SUCLG2: variants seen among roughly 807,000 people sequenced by gnomAD.
SUCLG2 encodes the protein succinate-CoA ligase GDP-forming subunit beta.
SUCLG2 carries 42 observed loss-of-function variants against 47.9 expected under a neutral mutation model. The ratio of observed to expected loss-of-function variants is 0.88; its 90% CI spans 0.69 to 1.14. The LOEUF is 1.14. SUCLG2 is among the 50% of genes most tolerant of loss of function. The pLI, the probability that SUCLG2 is intolerant of heterozygous loss-of-function variation, is 0.00. For missense variants in SUCLG2, 571 were observed against 525.9 expected, an observed-to-expected ratio of 1.09 and a Z score of -0.84; for synonymous variants, 195 against 197.3, an observed-to-expected ratio of 0.99 and a Z score of 0.10.
intron 1 of SUCLG2, among the ~76,000 whole-genome samples, chr3:67,632,969 T>G (rs754786419): frequency 2.6e-5 from 4 of 152,228 alleles, no homozygotes; most frequent in Non-Finnish European, 5.9e-5. Flanking sequence ...AAGAACTCAT[T>G]TGATCTTTCA....
chr3:67,405,432 C>G (rs530133171), intron 9 of SUCLG2, among the ~76,000 whole-genome samples: 57 of 152,302 alleles, frequency 3.7e-4, no homozygotes, highest in African/African-American at 1.4e-3. Context: ...AATACTAAAC[C>G]TCTTCTTTGG....
At chr3:67,606,328 T>G (rs1480560666) in intron 2 of SUCLG2, among the ~76,000 whole-genome samples, 1 of 152,158 alleles carries the variant, frequency 6.6e-6, no homozygotes, top group Non-Finnish European at 1.5e-5. Context: ...TAAGTGCATA[T>G]CTCCAGGAAT....
chr3:67,620,769 G>A (rs992802466), intron 1 of SUCLG2, among the ~76,000 whole-genome samples: 5 of 152,110 alleles, frequency 3.3e-5, no homozygotes, highest in Non-Finnish European at 7.3e-5. Context: ...TGAGAGGCCA[G>A]CATGTTCCAA....
intron 9 of SUCLG2, among the ~76,000 whole-genome samples, chr3:67,425,741 C>T (rs4130105): frequency 0.11 from 16,809 of 152,182 alleles, 1,060 homozygotes; most frequent in African/African-American, 0.16. Flanking sequence ...GCCTTCATGA[C>T]TGTATGAGCC....
chr3:67,588,363 G>A (rs1225603446), intron 2 of SUCLG2, among the ~76,000 whole-genome samples: 1 of 152,114 alleles, frequency 6.6e-6, no homozygotes, highest in African/African-American at 2.4e-5. Flanking sequence ...GAATTAATCA[G>A]TAAACTCCTA....
chr3:67,385,352 G>A (rs1481425688), intron 10 of SUCLG2, among the ~76,000 whole-genome samples: 1 of 152,236 alleles, frequency 6.6e-6, no homozygotes, highest in African/African-American at 2.4e-5. Flanking sequence ...ACCAAAGGCA[G>A]CCCACTCCTG....
chr3:67,589,589 A>AT (rs1202136202), intron 2 of SUCLG2, among the ~76,000 whole-genome samples: 1 of 152,228 alleles, frequency 6.6e-6, no homozygotes, highest in Admixed American at 6.5e-5. Context: ...GAGCCTATAT[A>AT]TCCCCTGCCA....
intron 7 of SUCLG2, among the ~76,000 whole-genome samples, chr3:67,499,803 C>T (rs1410784714): frequency 3.9e-5 from 6 of 152,086 alleles, no homozygotes; most frequent in Non-Finnish European, 8.8e-5. Context: ...GCAATCTCGG[C>T]TCACTATAAC....
At chr3:67,626,728 C>T (rs935979598) in intron 1 of SUCLG2, among the ~76,000 whole-genome samples, 5 of 152,082 alleles carry the variant, frequency 3.3e-5, no homozygotes, top group Non-Finnish European at 5.9e-5. Context: ...TCCTGGCTAA[C>T]ACGGTGAAAC....
intron 1 of SUCLG2, among the ~76,000 whole-genome samples, chr3:67,644,552 G>C (rs946483808): frequency 1.3e-5 from 2 of 152,030 alleles, no homozygotes; most frequent in Admixed American, 1.3e-4. Flanking sequence ...TTCAGGAAAT[G>C]GATGATGGTG....
chr3:67,486,483 C>T (rs1011154593), intron 9 of SUCLG2, among the ~76,000 whole-genome samples: 4 of 152,208 alleles, frequency 2.6e-5, no homozygotes, highest in Non-Finnish European at 5.9e-5. Flanking sequence ...AACACAGTTA[C>T]ATTTTTATGA....
intron 1 of SUCLG2, among the ~76,000 whole-genome samples, chr3:67,627,358 T>TG (rs1575827686): frequency 6.6e-6 from 1 of 152,204 alleles, no homozygotes; most frequent in African/African-American, 2.4e-5. Context: ...AGAAGCAAAT[T>TG]GGAGCTGTTG....
At chr3:67,544,119 G>T (rs1374857428) in intron 2 of SUCLG2, among the ~76,000 whole-genome samples, 2 of 152,128 alleles carry the variant, frequency 1.3e-5, no homozygotes, top group Admixed American at 1.3e-4. Flanking sequence ...ATTGCCTTTT[G>T]TAAACTTAAA....
At chr3:67,596,194 T>C (rs952648706) in intron 2 of SUCLG2, among the ~76,000 whole-genome samples, 1 of 152,208 alleles carries the variant, frequency 6.6e-6, no homozygotes, top group Admixed American at 6.5e-5. Flanking sequence ...ATAGGATCTA[T>C]CTCAGAAAGC....
Position 67,552,172 on chromosome 3 carries a change from CAAAA to C in SUCLG2, c.227-22990_227-22987del, listed in dbSNP as rs55687048. Among the ~76,000 whole-genome samples the C allele has an allele frequency of 6.7e-3, 504 of 75,496 alleles. 6 individuals carry two copies. The highest frequency in any genetic ancestry group is 0.063 in the East Asian group (213 of 3,404). The allele number at this position is 75,496 out of a possible 152,430, so 49.5% of individuals were successfully genotyped here. A position where few individuals can be genotyped will look rare whatever the true frequency, so the allele number is the denominator to read the frequency against. ...TGGGCAACAGAGCAAAACTCCATCT[CAAAA>C]AAAAAAAAAAAAAAAAGAAAAAAGA... is the stretch of plus-strand genomic sequence containing the variant. On this transcript the variant is annotated intron_variant, in intron 2 of 10. Transcript: ENST00000307227.
At chr3:67,624,186 G>A (rs747973426) in intron 1 of SUCLG2, among the ~76,000 whole-genome samples, 10 of 152,180 alleles carry the variant, frequency 6.6e-5, no homozygotes, top group Non-Finnish European at 1.3e-4. Flanking sequence ...TCTTTATAGC[G>A]GCAGTTTTGA....
At chr3:67,525,905 C>T (rs1706244016) in intron 4 of SUCLG2, among the ~76,000 whole-genome samples, 1 of 152,224 alleles carries the variant, frequency 6.6e-6, no homozygotes, top group South Asian at 2.1e-4. Context: ...GGACTAGTAC[C>T]TAGAATAACT....
At chr3:67,494,493 G>A (rs1246196265) in intron 9 of SUCLG2, among the ~76,000 whole-genome samples, 1 of 152,112 alleles carries the variant, frequency 6.6e-6, no homozygotes, top group Non-Finnish European at 1.5e-5. Context: ...AGGCATGGTG[G>A]CATGCACCTG....
chr3:67,401,730 G>A (rs1486192309), intron 9 of SUCLG2, among the ~76,000 whole-genome samples: 1 of 152,054 alleles, frequency 6.6e-6, no homozygotes, highest in African/African-American at 2.4e-5. Context: ...CATGAAGCTG[G>A]AGGCATCAAA....
Sources: gnomAD v4.1 joint callset for allele counts (sites outside exome capture counted in the v4.1 genomes callset) on GRCh38, gnomAD v4.1.1 for gene constraint, MANE v1.5 for transcripts, NCBI Gene and HGNC (gene_info 2026-07-23, HGNC 2026-07-21) for gene names.